The following LOC400499 variants were observed in gnomAD, a reference collection of about 807,000 sequenced individuals.
chr16:11,464,051 T>C, the LOC400499 span, among the ~76,000 whole-genome samples: 3 of 152,236 alleles, frequency 2.0e-5, no homozygotes, highest in African/African-American at 7.2e-5. Context: ...GTATGGACTC[T>C]GTACAGACAT....
chr16:11,513,072 G>C, the LOC400499 span, among the ~76,000 whole-genome samples: 1 of 152,186 alleles, frequency 6.6e-6, no homozygotes, highest in Non-Finnish European at 1.5e-5. Context: ...CAAGTCATTT[G>C]ACCTCTTTGA....
At chr16:11,398,100 T>C in the LOC400499 span, among the ~76,000 whole-genome samples, 1 of 152,184 alleles carries the variant, frequency 6.6e-6, no homozygotes, top group East Asian at 1.9e-4. Context: ...TCCCGCATCA[T>C]GTCTCTCTTA....
the LOC400499 span, chr16:11,518,957 T>C: frequency 5.0e-6 from 2 of 399,026 alleles, no homozygotes; most frequent in East Asian, 3.6e-5. Context: ...GGATGTCACC[T>C]GGAAGTCTTG....
the LOC400499 span, among the ~76,000 whole-genome samples, chr16:11,515,636 G>A: frequency 6.6e-6 from 1 of 150,690 alleles, no homozygotes; most frequent in Non-Finnish European, 1.5e-5. Context: ...GAAGGAATTG[G>A]AAGAGAGGAG....
chr16:11,506,315 G>A, the LOC400499 span, among the ~76,000 whole-genome samples: 5 of 152,304 alleles, frequency 3.3e-5, no homozygotes, highest in South Asian at 6.2e-4. Context: ...ATGAGCCACT[G>A]AGCCTGGCCA....
At chr16:11,430,956 A>G in the LOC400499 span, 2 of 398,400 alleles carry the variant, frequency 5.0e-6, no homozygotes, top group Non-Finnish European at 8.8e-6. Flanking sequence ...GCATCACTGG[A>G]CTTGGGTGGA....
chr16:11,462,688 G>A, the LOC400499 span, among the ~76,000 whole-genome samples: 2 of 152,094 alleles, frequency 1.3e-5, no homozygotes, highest in South Asian at 2.1e-4. Flanking sequence ...CTTCCAAAGT[G>A]TTAGGATTAC....
At chr16:11,485,216 TTC>T in the LOC400499 span, 1 of 397,482 alleles carries the variant, frequency 2.5e-6, no homozygotes, top group Non-Finnish European at 4.4e-6. Context: ...TGGGCTGAGG[TTC>T]GGGGACACAA....
chr16:11,412,958 G>A, the LOC400499 span: 3 of 399,192 alleles, frequency 7.5e-6, no homozygotes, highest in Non-Finnish European at 1.3e-5. Context: ...CACGAGCTGA[G>A]GAGGGAGCAG....
the LOC400499 span, among the ~76,000 whole-genome samples, chr16:11,524,370 C>T: frequency 1.6e-5 from 2 of 127,020 alleles, no homozygotes; most frequent in African/African-American, 6.9e-5. Flanking sequence ...AGCCACCCAC[C>T]CTCTCCTGTC....
the LOC400499 span, chr16:11,440,977 G>A: frequency 8.9e-4 from 357 of 399,052 alleles, 2 homozygotes; most frequent in African/African-American, 5.4e-3. Context: ...AGGCTGTGCC[G>A]GATTTCCCCA....
At chr16:11,383,436 C>CG in the LOC400499 span, among the ~76,000 whole-genome samples, 6 of 152,178 alleles carry the variant, frequency 3.9e-5, no homozygotes, top group Admixed American at 3.9e-4. Context: ...CTTCACCAAA[C>CG]GGAGGGCACT....
chr16:11,395,327 C>G, the LOC400499 span, among the ~76,000 whole-genome samples: 1 of 152,146 alleles, frequency 6.6e-6, no homozygotes, highest in African/African-American at 2.4e-5. Flanking sequence ...CCAGAATGGA[C>G]CAAGTGAGAA....
At chr16:11,416,618 G>A in the LOC400499 span, among the ~76,000 whole-genome samples, 2 of 152,294 alleles carry the variant, frequency 1.3e-5, no homozygotes, top group East Asian at 3.9e-4. Context: ...AAAGGTATTT[G>A]TATGCTACAC....
chr16:11,397,851 G>C, the LOC400499 span, among the ~76,000 whole-genome samples: 3 of 151,930 alleles, frequency 2.0e-5, no homozygotes, highest in Non-Finnish European at 4.4e-5. Flanking sequence ...AGGATGAATG[G>C]ATGGAGAGAG....
At chr16:11,511,089 T>C in the LOC400499 span, among the ~76,000 whole-genome samples, 1 of 146,582 alleles carries the variant, frequency 6.8e-6, no homozygotes, top group Admixed American at 6.7e-5. Context: ...CTCGACCTTC[T>C]GGGCTCAGGT....
At chr16:11,467,933 T>G in the LOC400499 span, among the ~76,000 whole-genome samples, 3 of 152,020 alleles carry the variant, frequency 2.0e-5, no homozygotes, top group African/African-American at 7.3e-5. Context: ...CCTGGTGTCC[T>G]TATAAAAAGG....
At chr16:11,497,976 C>T in the LOC400499 span, among the ~76,000 whole-genome samples, 2 of 152,124 alleles carry the variant, frequency 1.3e-5, no homozygotes. Context: ...ACCCTCAAAC[C>T]TGTGACCCTT....
the LOC400499 span, among the ~76,000 whole-genome samples, chr16:11,439,863 C>T: frequency 6.6e-6 from 1 of 151,980 alleles, no homozygotes; most frequent in Non-Finnish European, 1.5e-5. Context: ...GCCACACCAC[C>T]TTCTACTTGA....
Sources: allele counts gnomAD v4.1 joint callset (sites outside exome capture counted in the v4.1 genomes callset), GRCh38; gene constraint gnomAD v4.1.1; transcripts MANE v1.5.